The following POTEG variants were observed in gnomAD, a reference collection of about 807,000 sequenced individuals.
POTEG encodes ANKRD26-like family C member 2.
In POTEG, 2 loss-of-function variants were observed where a neutral mutation model predicts 49.6. That is an observed-to-expected ratio of 0.04 (90% confidence interval 0.02 to 0.13). The LOEUF (loss-of-function observed/expected upper bound fraction) is 0.13, where lower values mean the gene tolerates loss of function less well. POTEG is among the 10% of genes least tolerant of loss of function. The pLI, the probability that POTEG is intolerant of heterozygous loss-of-function variation, is 1.00. For synonymous variants in POTEG, 7 were observed against 186.6 expected (o/e 0.04, Z 7.84); for missense variants, 26 against 545.2 (o/e 0.05, Z 9.48).
At chr14:19,419,905 T>C (rs1179841074) in intron 6 of POTEG, among the ~76,000 whole-genome samples, 2 of 141,370 alleles carry the variant, frequency 1.4e-5, no homozygotes, top group Admixed American at 7.1e-5. Context: ...AAACTTCCCA[T>C]GGCCCATGGG....
In POTEG at chr14:19,433,329, G is replaced by A. The variant is rs1449663543; in HGVS notation, c.521+440C>T. Among the ~76,000 whole-genome samples the A allele has an allele frequency of 1.7e-5, 2 of 114,872 alleles. 1 individual carries two copies. The highest frequency in any genetic ancestry group is 3.6e-5 in the Non-Finnish European group (2 of 55,116). 75.4% of individuals were successfully genotyped at this position (114,872 alleles called of 152,430 possible). On this transcript the variant is annotated intron_variant, in intron 1 of 10. Transcript: ENST00000547848. ...TAATCTTCTAAGATTACTCAGTAAAGAACATATTTACATAGTGTACATTGA... is the reference window on the plus strand; with the variant it reads ...TAATCTTCTAAGATTACTCAGTAAAAAACATATTTACATAGTGTACATTGA...
In POTEG at chr14:19,434,244, T is replaced by G. The variant is rs1328234420; in HGVS notation, c.46A>C (p.Lys16Gln). Residue 16 changes from lysine to glutamine, a missense_variant, in exon 1 of 11, where the codon AAG (lysine) becomes CAG (glutamine). Lys to Gln is a moderately conservative substitution (Grantham distance 53). Transcript: ENST00000547848. ...ATCTTGCTTCTGAGACCAAATGGCTTCTTCACAGAGGAGGCAGCCGGCATT... is the reference window on the plus strand; with the variant it reads ...ATCTTGCTTCTGAGACCAAATGGCTGCTTCACAGAGGAGGCAGCCGGCATT... Reference protein sequence around the residue: ...GSMPAASSVKKPFGLRSKMGK... With the variant: ...GSMPAASSVKQPFGLRSKMGK... 6.2e-7 allele frequency: 1 copy of G among 1,613,782 alleles called. No individual in the cohort carries two copies. The highest frequency in any genetic ancestry group is 8.5e-7 in the Non-Finnish European group (1 of 1,179,834).
chr14:19,434,113 G>T lies in POTEG; in HGVS notation c.177C>A (p.Ser59Arg). 1 of 1,609,670 alleles carries T rather than the reference G, an allele frequency of 6.2e-7. No individual in the cohort carries two copies. ...HDDSAMKTLR[S>R]KMGKWCRHCF... ...AGTGGCGGCACCACTTGCCCATCTT[G>T]CTCCTGAGTGTCTTCATAGCAGAAT... Residue 59 changes from serine to arginine, a missense_variant, in exon 1 of 11, where the codon AGC becomes AGA. By Grantham distance (110) the Ser-to-Arg change is moderately radical. Coordinates refer to ENST00000547848, the MANE Select transcript of POTEG (RefSeq NM_001005356.3).
chr14:19,432,440 A>ATACATATATATACG (rs1566383389), intron 1 of POTEG, among the ~76,000 whole-genome samples: 1 of 85,566 alleles, frequency 1.2e-5, no homozygotes, highest in African/African-American at 4.9e-5. Context: ...ACGTATATAT[A>ATACATATATATACG]TATATACATA....
intron 9 of POTEG, among the ~76,000 whole-genome samples, chr14:19,406,634 C>A: frequency 1.4e-5 from 2 of 139,856 alleles, no homozygotes; most frequent in Non-Finnish European, 3.1e-5. Flanking sequence ...AAATAATCAT[C>A]AGAGTAAACC....
intron 1 of POTEG, among the ~76,000 whole-genome samples, chr14:19,432,367 T>TATATATATAC (rs1884169582): frequency 1.9e-4 from 2 of 10,304 alleles, no homozygotes; most frequent in African/African-American, 6.9e-4. Context: ...AGAAATTTTG[T>TATATATATAC]ATATATATAT....
chr14:19,405,499 ATAT>A lies in POTEG; in HGVS notation c.1410-767_1410-765del, dbSNP rs1594269255. The stretch of plus-strand genomic sequence containing the variant: ...TCCTTTTAGAACAAGACAGGGTCTA[ATAT>A]TATGTTTTTAACATAGGACTTTGAA... On this transcript the variant is annotated intron_variant, in intron 9 of 10. Coordinates refer to ENST00000547848, the MANE Select transcript of POTEG (RefSeq NM_001005356.3). Among the ~76,000 whole-genome samples, 3 of 47,334 alleles carry A rather than the reference ATAT, an allele frequency of 6.3e-5. No homozygotes were observed. In the South Asian group the frequency reaches 2.6e-3, roughly 41 times the overall value. The allele number at this position is 47,334 out of a possible 152,430, so 31.1% of individuals were successfully genotyped here.
In POTEG at chr14:19,415,258, T is replaced by C. The variant is rs1188814494; in HGVS notation, c.1198-652A>G. ...ATGACAGTAGATAAAAATTTTAATC[T>C]GTCCTGATTTTCTGCAACTGAAATA... On this transcript the variant is annotated intron_variant, in intron 7 of 10. Transcript: ENST00000547848. 3.5e-5 allele frequency among the ~76,000 whole-genome samples: 5 copies of C among 142,164 alleles called. 1 individual carries two copies. The highest frequency in any genetic ancestry group is 7.9e-5 in the Non-Finnish European group (5 of 63,230). The allele number at this position is 142,164 out of a possible 152,430, so 93.3% of individuals were successfully genotyped here.
At chr14:19,415,937 C>A (rs1001670824) in intron 7 of POTEG, among the ~76,000 whole-genome samples, 2 of 145,464 alleles carry the variant, frequency 1.4e-5, no homozygotes, top group Middle Eastern at 3.9e-3. Context: ...CTCCACCCCC[C>A]AGGTTCATGG....
chr14:19,414,949 AATCAGCAG>A (rs1429227368), intron 7 of POTEG, among the ~76,000 whole-genome samples: 18 of 137,018 alleles, frequency 1.3e-4, no homozygotes, highest in African/African-American at 4.3e-4. Flanking sequence ...ACCAAAAATG[AATCAGCAG>A]ATCATTTGTA....
intron 3 of POTEG, among the ~76,000 whole-genome samples, chr14:19,427,586 T>G (rs1166176320): frequency 6.6e-6 from 1 of 152,310 alleles, no homozygotes; most frequent in African/African-American, 2.4e-5. Flanking sequence ...CACCACATAA[T>G]TTTTCCCGGT....
Position 19,434,046 on chromosome 14 carries a change from T to C in POTEG, c.244A>G (p.Thr82Ala). 1 of 1,404,046 alleles carries C rather than the reference T, an allele frequency of 7.1e-7. No individual in the cohort carries two copies. The highest frequency in any genetic ancestry group is 1.5e-5 in the South Asian group (1 of 68,944). 87.0% of individuals were successfully genotyped at this position (1,404,046 alleles called of 1,614,324 possible). A position where few individuals can be genotyped will look rare whatever the true frequency, so the allele number is the denominator to read the frequency against. The change falls in exon 1 of 11, where the codon ACT becomes GCT. Residue 82 changes from threonine (T) to alanine (A), a missense_variant. Coordinates refer to ENST00000547848, the MANE Select transcript of POTEG (RefSeq NM_001005356.3). ...GCAGAGTCGTCGTGGTCTCCAGAAG[T>C]GCCCACGTTGCTCTTGCTGCTCCCC... ...CRGSSKSNVG[T>A]SGDHDDSAMK... is the part of the protein sequence containing the mutation.
chr14:19,430,922 T>A (rs1331774328), intron 1 of POTEG, among the ~76,000 whole-genome samples: 1 of 149,022 alleles, frequency 6.7e-6, no homozygotes, highest in African/African-American at 2.5e-5. Flanking sequence ...CAGGAACAGG[T>A]AAACACAATC....
chr14:19,433,164 T>A (rs1884232404), intron 1 of POTEG, among the ~76,000 whole-genome samples: 2 of 148,424 alleles, frequency 1.3e-5, no homozygotes, highest in African/African-American at 5.0e-5. Context: ...CCTGACCCCA[T>A]GATCTGCCCT....
intron 7 of POTEG, among the ~76,000 whole-genome samples, chr14:19,414,859 G>A (rs1229035814): frequency 7.5e-6 from 1 of 134,128 alleles, no homozygotes. Flanking sequence ...TAGCCAAAGG[G>A]AGAAGAAAAA....
chr14:19,424,771 C>T (rs1250880114), intron 4 of POTEG: 1 of 47,272 alleles, frequency 2.1e-5, no homozygotes, highest in Non-Finnish European at 5.3e-5. Context: ...TAAGCATGTG[C>T]TAGGCACTGA....
intron 3 of POTEG, among the ~76,000 whole-genome samples, chr14:19,426,292 T>C (rs1249113586): frequency 7.6e-5 from 11 of 145,688 alleles, no homozygotes; most frequent in East Asian, 2.0e-4. Flanking sequence ...ATAGGACTAC[T>C]GAAACTAAAT....
rs529692232 is a variant in POTEG, at chr14:19,426,399, C to T, written c.811-687G>A. Among the ~76,000 whole-genome samples, 4 of 150,602 alleles carry T rather than the reference C, an allele frequency of 2.7e-5. No individual in the cohort carries two copies. In the East Asian group the frequency reaches 7.7e-4, roughly 29 times the overall value. On this transcript the variant is annotated intron_variant, in intron 3 of 10. Transcript: ENST00000547848. ...CCAAAGCTCTACATACTTAAAGAGA[C>T]ACACTGGACAGTCCACAATACAGCT...
intron 1 of POTEG, among the ~76,000 whole-genome samples, chr14:19,432,364 T>TTTATTTATA (rs1566383045): frequency 1.6e-4 from 7 of 42,912 alleles, no homozygotes; most frequent in African/African-American, 5.8e-4. Flanking sequence ...AAAAGAAATT[T>TTTATTTATA]TGTATATATA....
Sources: allele counts gnomAD v4.1 joint callset (sites outside exome capture counted in the v4.1 genomes callset), GRCh38; gene constraint gnomAD v4.1.1; transcripts MANE v1.5; gene names NCBI Gene and HGNC (gene_info 2026-07-23, HGNC 2026-07-21).